The following MEI4 variants were observed in gnomAD, a reference collection of about 807,000 sequenced individuals.
The protein encoded by MEI4 is meiosis-specific protein MEI4.
MEI4 carries 27 observed loss-of-function variants against 31.4 expected under a neutral mutation model. The ratio of observed to expected loss-of-function variants is 0.86; its 90% CI spans 0.63 to 1.19. The LOEUF is 1.19. Ranked by LOEUF, MEI4 falls within the 50% of genes most tolerant of loss-of-function variation. The pLI is 0.00. For synonymous variants in MEI4, 122 were observed against 145.4 expected (o/e 0.84, Z 1.16); for missense variants, 329 against 398.9 (o/e 0.82, Z 1.49).
intron 4 of MEI4, among the ~76,000 whole-genome samples, chr6:77,863,308 C>T (rs13214019): frequency 0.092 from 13,989 of 151,966 alleles, 943 homozygotes; most frequent in East Asian, 0.31. Context: ...GAAGTTCGAA[C>T]CCATGGCAAG....
At chr6:77,782,590 G>A (rs965494831) in intron 3 of MEI4, among the ~76,000 whole-genome samples, 12 of 152,088 alleles carry the variant, frequency 7.9e-5, no homozygotes, top group Non-Finnish European at 1.6e-4. Flanking sequence ...AAGGGAAAAG[G>A]TCTGAAAGAG....
intron 2 of MEI4, among the ~76,000 whole-genome samples, chr6:77,742,089 T>C (rs9361267): frequency 0.14 from 20,932 of 152,080 alleles, 1,520 homozygotes; most frequent in Middle Eastern, 0.21. Context: ...TACGTGTGCA[T>C]GTGTCTTTAT....
At chr6:77,779,260 T>C (rs1275198208) in intron 3 of MEI4, among the ~76,000 whole-genome samples, 1 of 152,154 alleles carries the variant, frequency 6.6e-6, no homozygotes, top group Non-Finnish European at 1.5e-5. Context: ...GAAGAGAGTA[T>C]TTCACAAAGA....
intron 3 of MEI4, among the ~76,000 whole-genome samples, chr6:77,801,036 T>C (rs1231527986): frequency 2.0e-5 from 3 of 152,110 alleles, no homozygotes; most frequent in African/African-American, 7.2e-5. Flanking sequence ...TCCCTCTTTT[T>C]CTATTGATTG....
intron 4 of MEI4, among the ~76,000 whole-genome samples, chr6:77,838,268 A>T (rs73763507): frequency 1.4e-3 from 215 of 151,770 alleles, no homozygotes; most frequent in African/African-American, 5.0e-3. Flanking sequence ...TACTGTAGGT[A>T]TGTAAATTTA....
At chr6:77,732,928 T>A (rs1418308875) in intron 2 of MEI4, among the ~76,000 whole-genome samples, 1 of 151,004 alleles carries the variant, frequency 6.6e-6, no homozygotes, top group African/African-American at 2.4e-5. Flanking sequence ...GCTGGTTACA[T>A]TTATTGATTT....
chr6:77,742,004 T>C (rs1767419750), intron 2 of MEI4, among the ~76,000 whole-genome samples: 3 of 152,100 alleles, frequency 2.0e-5, no homozygotes, highest in Non-Finnish European at 4.4e-5. Context: ...CACATTTTCT[T>C]GATCCAGTCT....
At chr6:77,754,413 C>T (rs905671968) in intron 2 of MEI4, among the ~76,000 whole-genome samples, 2 of 152,158 alleles carry the variant, frequency 1.3e-5, no homozygotes, top group Admixed American at 1.3e-4. Flanking sequence ...CCTGAGACCA[C>T]CTCAGCCTAG....
At chr6:77,696,416 C>A (rs946684143) in intron 2 of MEI4, among the ~76,000 whole-genome samples, 6 of 152,140 alleles carry the variant, frequency 3.9e-5, no homozygotes, top group Non-Finnish European at 8.8e-5. Flanking sequence ...ATAGACAGCT[C>A]TTATTATTTT....
At chr6:77,748,020 G>A (rs370898078) in intron 2 of MEI4, among the ~76,000 whole-genome samples, 21 of 152,294 alleles carry the variant, frequency 1.4e-4, no homozygotes, top group South Asian at 8.3e-4. Flanking sequence ...ACCATGTCTC[G>A]CATCTGCTGA....
chr6:77,750,093 C>T (rs576661751), intron 2 of MEI4, among the ~76,000 whole-genome samples: 4 of 152,168 alleles, frequency 2.6e-5, no homozygotes, highest in Non-Finnish European at 5.9e-5. Flanking sequence ...CATCACCAAG[C>T]CTGCCTTATG....
At chr6:77,883,805 A>G (rs1771559198) in intron 4 of MEI4, among the ~76,000 whole-genome samples, 1 of 136,732 alleles carries the variant, frequency 7.3e-6, no homozygotes, top group Admixed American at 7.6e-5. Flanking sequence ...TATGTTGGCT[A>G]AGGTGAATAG....
intron 1 of MEI4, among the ~76,000 whole-genome samples, chr6:77,667,468 C>T (rs1768661098): frequency 6.6e-6 from 1 of 152,144 alleles, no homozygotes; most frequent in East Asian, 1.9e-4. Context: ...ATTAATCACT[C>T]CTGTCTGTGA....
At chr6:77,883,727 T>TATATATACATATAC (rs1562025091) in intron 4 of MEI4, among the ~76,000 whole-genome samples, 1 of 140,002 alleles carries the variant, frequency 7.1e-6, no homozygotes, top group African/African-American at 2.7e-5. Flanking sequence ...GATATATATA[T>TATATATACATATAC]ATATATATAT....
chr6:77,868,040 G>A (rs1480572700), intron 4 of MEI4, among the ~76,000 whole-genome samples: 1 of 150,702 alleles, frequency 6.6e-6, no homozygotes, highest in Admixed American at 6.6e-5. Flanking sequence ...GACACAGGAA[G>A]GGGAACATCA....
At chr6:77,760,957 T>C (rs1278220909) in intron 2 of MEI4, among the ~76,000 whole-genome samples, 173 bp from the exon 3 acceptor site, 1 of 152,210 alleles carries the variant, frequency 6.6e-6, no homozygotes, top group East Asian at 1.9e-4. Flanking sequence ...CTACAATCTC[T>C]ACAATTTCTT....
Position 77,804,542 on chromosome 6 carries a change from C to T in MEI4, c.769-24389C>T, listed in dbSNP as rs778703820. On this transcript the variant is annotated intron_variant, in intron 3 of 4. Transcript: ENST00000684080. ...TGCAGAAATCACCCGTCTTCTATTT[C>T]GCTCACGCTGGGATCTGTAGACTGG... Among the ~76,000 whole-genome samples, 8 of 152,164 alleles carry T rather than the reference C, an allele frequency of 5.3e-5. No individual in the cohort carries two copies. In the East Asian group the frequency reaches 7.7e-4, roughly 15 times the overall value.
At chr6:77,727,288 C>T (rs1257336250) in intron 2 of MEI4, among the ~76,000 whole-genome samples, 3 of 152,090 alleles carry the variant, frequency 2.0e-5, no homozygotes, top group Non-Finnish European at 4.4e-5. Flanking sequence ...CATATTATGG[C>T]CTATATTATA....
intron 2 of MEI4, among the ~76,000 whole-genome samples, chr6:77,703,562 T>A (rs2127657351): frequency 6.6e-6 from 1 of 152,304 alleles, no homozygotes; most frequent in South Asian, 2.1e-4. Context: ...TACATTTATT[T>A]TTTGACAGGT....
Sources: allele counts gnomAD v4.1 joint callset (sites outside exome capture counted in the v4.1 genomes callset), GRCh38; gene constraint gnomAD v4.1.1; transcripts MANE v1.5; gene names NCBI Gene and HGNC (gene_info 2026-07-23, HGNC 2026-07-21).